The following CCSER2 variants were observed in gnomAD, a reference collection of about 807,000 sequenced individuals.
CCSER2 encodes coiled-coil serine rich protein 2.
In CCSER2, 46 loss-of-function variants were observed where a neutral mutation model predicts 92.3. The observed-to-expected ratio is 0.50, with a 90% CI of 0.39 to 0.64. The LOEUF is 0.64. Among genes scored for constraint, CCSER2 ranks in the 30% least tolerant of loss-of-function variants. The pLI is 0.00. For missense variants in CCSER2, 1,244 were observed against 1,238.9 expected (o/e 1.00, Z -0.06); for synonymous variants, 433 against 431.4 (o/e 1.00, Z -0.04).
In CCSER2 at chr10:84,372,224, G is replaced by A; in HGVS notation, c.1172G>A (p.Ser391Asn). ...MKHDAKMRYL[S>N]DDVDDISLSS... is the part of the protein sequence containing the mutation. ...CATGATGCTAAAATGAGATACCTGA[G>A]TGATGATGTGGATGACATTTCCTTG... The change falls in exon 2 of 10, where the codon AGT becomes AAT. Residue 391 changes from serine to asparagine, a missense_variant. By Grantham distance (46) the Ser-to-Asn change is conservative (BLOSUM62 1). Transcript: ENST00000372088. The A allele has an allele frequency of 6.2e-7, 1 of 1,613,484 alleles. No individual in the cohort carries two copies. The highest frequency in any genetic ancestry group is 8.5e-7 in the Non-Finnish European group (1 of 1,179,614).
chr10:84,511,919 G>A (rs1405697643), intron 9 of CCSER2, among the ~76,000 whole-genome samples: 1 of 152,152 alleles, frequency 6.6e-6, no homozygotes, highest in Non-Finnish European at 1.5e-5. Context: ...TTTAGCTTGA[G>A]GCAGCAATTG....
At chr10:84,475,245 G>A (rs571482132) in intron 8 of CCSER2, among the ~76,000 whole-genome samples, 2 of 152,264 alleles carry the variant, frequency 1.3e-5, no homozygotes, top group African/African-American at 2.4e-5. Flanking sequence ...GCTCCTTGGG[G>A]TAAGAGATTA....
Position 84,513,457 on chromosome 10 carries a change from A to G in CCSER2, c.2334A>G (p.Val778=). Residue 778 remains valine (V), a synonymous_variant, in exon 10 of 10, where the codon GTA becomes GTG. Coordinates refer to ENST00000372088, the MANE Select transcript of CCSER2 (RefSeq NM_001284240.2). ...QTPWRRIPPQ[V]LQPSSSLPRP... is the part of the protein sequence containing the mutation. ...GTTTTTAATTTTAACAGCCTCAAGT[A>G]CTACAGCCTTCCAGCAGCCTTCCCA... The G allele has an allele frequency of 6.2e-7, 1 of 1,606,638 alleles. No individual in the cohort carries two copies. Among genetic ancestry groups the G allele is most frequent in the South Asian group, 1.1e-5 (1 of 89,966 alleles).
At position 84,504,030 on chromosome 10, in the gene CCSER2, A is replaced by G. The variant is rs976454084; in HGVS notation, c.2326-9419A>G. Among the ~76,000 whole-genome samples, 10 of 152,304 alleles carry G rather than the reference A, an allele frequency of 6.6e-5. No homozygotes were observed. The East Asian group carries it at 7.7e-4, about 12-fold the overall frequency. ...TGAGAGAAAGTATGTATTTACAACA[A>G]CCTGATTCACTGTGTATGTATATTT... On this transcript the variant is annotated intron_variant, in intron 9 of 9. Transcript: ENST00000372088.
intron 9 of CCSER2, among the ~76,000 whole-genome samples, chr10:84,496,574 C>T (rs747107657): frequency 4.4e-4 from 67 of 151,980 alleles, no homozygotes; most frequent in African/African-American, 1.4e-3. Flanking sequence ...CATGAGCCAC[C>T]GCGCCCGGCC....
chr10:84,474,892 G>A (rs2133729765), intron 8 of CCSER2, among the ~76,000 whole-genome samples: 1 of 152,224 alleles, frequency 6.6e-6, no homozygotes, highest in South Asian at 2.1e-4. Context: ...AATAAAAACA[G>A]TTGTAAACTC....
intron 9 of CCSER2, among the ~76,000 whole-genome samples, chr10:84,483,963 A>T (rs1256774932): frequency 1.3e-4 from 2 of 15,820 alleles, no homozygotes; most frequent in South Asian, 2.0e-3. Context: ...TTATATATAT[A>T]TATATATATA....
At chr10:84,490,109 G>A (rs1418757956) in intron 9 of CCSER2, among the ~76,000 whole-genome samples, 2 of 152,130 alleles carry the variant, frequency 1.3e-5, no homozygotes, top group Non-Finnish European at 2.9e-5. Context: ...TGAGAGATCC[G>A]CTGTTAGTCT....
At chr10:84,449,803 C>T (rs1370053433) in intron 6 of CCSER2, among the ~76,000 whole-genome samples, 10 of 151,390 alleles carry the variant, frequency 6.6e-5, no homozygotes, top group Non-Finnish European at 5.9e-5. Context: ...GCTGAGATCG[C>T]GCCATTGCAC....
chr10:84,456,013 C>A, intron 6 of CCSER2: 2 of 526,978 alleles, frequency 3.8e-6, no homozygotes, highest in Non-Finnish European at 7.4e-6. Context: ...TCCAGCAACA[C>A]CTTTGCTTCT....
At chr10:84,477,738 C>A in intron 9 of CCSER2, 74 bp downstream of exon 9, 1 of 791,324 alleles carries the variant, frequency 1.3e-6, no homozygotes, top group South Asian at 1.7e-5. Flanking sequence ...CTTTTTACAG[C>A]AATCTCTAAT....
rs1849670349 is a variant in CCSER2 at position 84,518,513 on chromosome 10, TAA to T, written c.*4249_*4250del. 2 of 152,788 alleles carry T rather than the reference TAA, an allele frequency of 1.3e-5. No homozygotes were observed. Among genetic ancestry groups the T allele is most frequent in the Admixed American group, 1.3e-4 (2 of 15,296 alleles). The allele number at this position is 152,788 out of a possible 1,614,324, so 9.5% of individuals were successfully genotyped here. On this transcript the variant is annotated 3_prime_UTR_variant, in exon 10 of 10. Transcript: ENST00000372088. ...TAAATAAAAATAAAGTTCATAATTA[TAA>T]AAGTTCTCTTGTCTTTCTCAACATT...
At chr10:84,493,840 T>C (rs1848300793) in intron 9 of CCSER2, among the ~76,000 whole-genome samples, 1 of 152,154 alleles carries the variant, frequency 6.6e-6, no homozygotes, top group South Asian at 2.1e-4. Flanking sequence ...TATAATGAAA[T>C]AATTATACAA....
In CCSER2 at chr10:84,477,887, C is replaced by G. The variant is rs368181195; in HGVS notation, c.2325+223C>G. Among the ~76,000 whole-genome samples, 3 of 152,196 alleles carry G rather than the reference C, an allele frequency of 2.0e-5. No individual in the cohort carries two copies. The East Asian group carries it at 5.8e-4, about 29-fold the overall frequency. On this transcript the variant is annotated intron_variant, in intron 9 of 9. Transcript: ENST00000372088. ...TGTGCATTTTAATAGCTTTTTCATT[C>G]TACATACTATAGTTCATTTTATTTG...
At chr10:84,377,632 A>C (rs1041737571) in intron 3 of CCSER2, among the ~76,000 whole-genome samples, 2 of 152,092 alleles carry the variant, frequency 1.3e-5, no homozygotes, top group Admixed American at 6.5e-5. Context: ...TGTATTTCCA[A>C]TTAAATATTA....
At chr10:84,399,861 C>T (rs1842026903) in intron 3 of CCSER2, among the ~76,000 whole-genome samples, 1 of 150,268 alleles carries the variant, frequency 6.7e-6, no homozygotes, top group African/African-American at 2.4e-5. Flanking sequence ...ATCACTTAAC[C>T]CTTTATGGAA....
chr10:84,490,870 T>TATAAAACCACAAAGG (rs999689315), intron 9 of CCSER2, among the ~76,000 whole-genome samples: 1 of 152,214 alleles, frequency 6.6e-6, no homozygotes, highest in Non-Finnish European at 1.5e-5. Flanking sequence ...TCTTTGTGGT[T>TATAAAACCACAAAGG]TTATCTACCT....
intron 4 of CCSER2, among the ~76,000 whole-genome samples, chr10:84,422,224 A>G (rs753773849): frequency 6.6e-6 from 1 of 152,170 alleles, no homozygotes; most frequent in African/African-American, 2.4e-5. Context: ...CCCTCAGTTC[A>G]AAGTACTCAT....
chr10:84,331,913 T>A (rs1200047576), intron 1 of CCSER2, among the ~76,000 whole-genome samples: 1 of 152,246 alleles, frequency 6.6e-6, no homozygotes. Flanking sequence ...ATGTCATTTC[T>A]TAATAATTGG....
Sources: gnomAD v4.1 joint callset for allele counts (sites outside exome capture counted in the v4.1 genomes callset) on GRCh38, gnomAD v4.1.1 for gene constraint, MANE v1.5 for transcripts, NCBI Gene and HGNC (gene_info 2026-07-23, HGNC 2026-07-21) for gene names.